POLK: variants seen among roughly 807,000 people sequenced by gnomAD.
POLK encodes DNA polymerase kappa.
In POLK, 76 loss-of-function variants were observed where a neutral mutation model predicts 94.0. The ratio of observed to expected loss-of-function variants is 0.81; its 90% CI spans 0.67 to 0.98. POLK has a LOEUF of 0.98. POLK is among the 50% of genes least tolerant of loss of function. POLK has a pLI of 0.00. For missense variants in POLK, 954 were observed against 1,010.1 expected (o/e 0.94, Z 0.75); for synonymous variants, 349 against 325.4 (o/e 1.07, Z -0.78).
chr5:75,573,219 T>C lies in POLK; in HGVS notation c.409-519T>C, dbSNP rs543252022. 1.9e-3 allele frequency among the ~76,000 whole-genome samples: 292 copies of C among 152,256 alleles called. 1 individual carries two copies. Among genetic ancestry groups the C allele is most frequent in the Middle Eastern group, 3.4e-3 (1 of 294 alleles). ...TGAGTTCATGTCCTTTTTAGGGACA[T>C]GGATGAAGCTGGAAACCATCGTTCT... On this transcript the variant is annotated intron_variant, in intron 4 of 14. Transcript: ENST00000241436.
chr5:75,534,265 T>TAA (rs540377049), intron 1 of POLK, among the ~76,000 whole-genome samples: 26 of 124,892 alleles, frequency 2.1e-4, no homozygotes, highest in South Asian at 1.3e-3. Flanking sequence ...GACCCTGTCT[T>TAA]AAAAAAAAAA....
chr5:75,589,965 T>G (rs960494888), intron 10 of POLK, among the ~76,000 whole-genome samples: 22 of 152,216 alleles, frequency 1.4e-4, no homozygotes, highest in African/African-American at 4.8e-4. Context: ...GTGCAGTAAT[T>G]GGAATGATGT....
chr5:75,560,027 A>T (rs1210437295), intron 3 of POLK, among the ~76,000 whole-genome samples: 1 of 152,262 alleles, frequency 6.6e-6, no homozygotes, highest in Admixed American at 6.5e-5. Context: ...GTGTATTTCA[A>T]CATTACAGAC....
At chr5:75,531,498 A>C (rs930143502) in intron 1 of POLK, among the ~76,000 whole-genome samples, 8 of 152,070 alleles carry the variant, frequency 5.3e-5, no homozygotes, top group African/African-American at 1.7e-4. Flanking sequence ...CATATGAGAT[A>C]ATTATAAAAC....
Position 75,578,517 on chromosome 5 carries a change from ATATC to A in POLK, c.694+1588_694+1591del, listed in dbSNP as rs552364669. On this transcript the variant is annotated intron_variant, in intron 6 of 14. Coordinates refer to ENST00000241436, the Ensembl canonical transcript of POLK. ...CTCACTATGAATATGTGAATTTTTAATATCTATTGCTTTTAACATATTTACTTGT... is the reference window on the plus strand; with the variant it reads ...CTCACTATGAATATGTGAATTTTTAATATTGCTTTTAACATATTTACTTGT... Among the ~76,000 whole-genome samples the A allele has an allele frequency of 2.0e-3, 300 of 152,316 alleles. 1 individual carries two copies. Among genetic ancestry groups the A allele is most frequent in the Non-Finnish European group, 3.6e-3 (245 of 68,030 alleles).
intron 1 of POLK, among the ~76,000 whole-genome samples, chr5:75,543,003 G>A (rs183152153): frequency 8.7e-5 from 12 of 137,764 alleles, no homozygotes; most frequent in South Asian, 7.1e-4. Flanking sequence ...GAGCCACCGC[G>A]CCCAGCCTTA....
At chr5:75,562,701 TGA>T (rs1472794455) in intron 3 of POLK, among the ~76,000 whole-genome samples, 5 of 152,172 alleles carry the variant, frequency 3.3e-5, no homozygotes, top group Non-Finnish European at 7.3e-5. Context: ...CCTAGTTTAT[TGA>T]GAGTTTTTAG....
intron 12 of POLK, 60 bp from the exon 13 acceptor site, chr5:75,596,162 T>C: frequency 1.1e-6 from 1 of 898,720 alleles, no homozygotes; most frequent in Non-Finnish European, 1.8e-6. Context: ...AATGTTTTTA[T>C]GCATTGTGAG....
chr5:75,556,348 A>G (rs1413288141), intron 3 of POLK, among the ~76,000 whole-genome samples: 1 of 152,194 alleles, frequency 6.6e-6, no homozygotes, highest in Non-Finnish European at 1.5e-5. Flanking sequence ...TTGACCATTT[A>G]TAATCAAGCT....
At chr5:75,596,535 G>T (rs1773099448) in exon 13 of POLK, 1 of 1,613,776 alleles carries the variant, frequency 6.2e-7, no homozygotes, top group African/African-American at 1.3e-5. Flanking sequence ...AAATATCAGA[G>T]AATTCAGATG....
downstream of POLK, among the ~76,000 whole-genome samples, chr5:75,606,045 T>G (rs1221482365): frequency 1.7e-5 from 2 of 121,040 alleles, no homozygotes; most frequent in African/African-American, 6.5e-5. Context: ...GGGGGATGTG[T>G]CAGGGTCACA....
intron 12 of POLK, among the ~76,000 whole-genome samples, chr5:75,595,958 C>T (rs1338393149): frequency 1.3e-5 from 2 of 152,168 alleles, no homozygotes; most frequent in Non-Finnish European, 2.9e-5. Context: ...CAGTTAGTTA[C>T]TGGTATTAAT....
chr5:75,572,429 G>A (rs1046505673), intron 4 of POLK, among the ~76,000 whole-genome samples: 9 of 151,862 alleles, frequency 5.9e-5, no homozygotes, highest in East Asian at 1.9e-4. Flanking sequence ...ATCCCAAATA[G>A]ACCAAATTCG....
chr5:75,568,749 GTTGTACC>G, intron 3 of POLK: 1 of 401,258 alleles, frequency 2.5e-6, no homozygotes, highest in Non-Finnish European at 4.9e-6. Context: ...AGTATCTTCA[GTTGTACC>G]TTCCTGTTCA....
intron 12 of POLK, 77 bp downstream of exon 12, chr5:75,594,126 G>T: frequency 9.3e-7 from 1 of 1,073,736 alleles, no homozygotes; most frequent in Non-Finnish European, 1.4e-6. Flanking sequence ...GAATACAGGG[G>T]GCCCCCAACT....
chr5:75,513,870 G>A (rs960488334), intron 1 of POLK, among the ~76,000 whole-genome samples: 3 of 151,786 alleles, frequency 2.0e-5, no homozygotes, highest in African/African-American at 7.3e-5. Context: ...TCCTGTTACT[G>A]TGAGAAATTC....
At chr5:75,601,105 A>T (rs1189162685) in exon 15 of POLK, 1 of 152,130 alleles carries the variant, frequency 6.6e-6, no homozygotes, top group Non-Finnish European at 1.5e-5. Flanking sequence ...ATTCTTGTTC[A>T]TATATAACCT....
rs140335547 is a variant in POLK at position 75,562,860 on chromosome 5, T to G, written c.256-6480T>G. 5.0e-3 allele frequency among the ~76,000 whole-genome samples: 769 copies of G among 152,286 alleles called. 5 individuals carry two copies. Among genetic ancestry groups the G allele is most frequent in the African/African-American group, 0.016 (684 of 41,572 alleles). On this transcript the variant is annotated intron_variant, in intron 3 of 14. Transcript: ENST00000241436. ...CAGCCTTACATCCCAGGGATGAAGC[T>G]GACTTGATTGCGTTGGATAAGCTTT... is the stretch of plus-strand genomic sequence containing the variant.
chr5:75,586,246 C>T (rs554016394), intron 9 of POLK, among the ~76,000 whole-genome samples: 1 of 152,076 alleles, frequency 6.6e-6, no homozygotes, highest in East Asian at 1.9e-4. Flanking sequence ...TTCTCTATTC[C>T]CCTATTCTGC....
Sources: gnomAD v4.1 joint callset for allele counts (sites outside exome capture counted in the v4.1 genomes callset) on GRCh38, gnomAD v4.1.1 for gene constraint, MANE v1.5 for transcripts, NCBI Gene and HGNC (gene_info 2026-07-23, HGNC 2026-07-21) for gene names.